EPB41L4A: variants seen among roughly 807,000 people sequenced by gnomAD.
The protein encoded by EPB41L4A is erythrocyte membrane protein band 4.1 like 4A, also known as band 4.1-like protein 4A.
A neutral mutation model predicts 108.6 loss-of-function variants in EPB41L4A; 100 were observed. The ratio of observed to expected loss-of-function variants is 0.92; its 90% CI spans 0.78 to 1.09. The LOEUF is 1.09. Ranked by LOEUF, EPB41L4A falls within the 50% of genes least tolerant of loss-of-function variation. The pLI is 0.00. For missense variants in EPB41L4A, 1,030 were observed against 842.7 expected, an observed-to-expected ratio of 1.22 and a Z score of -2.75; for synonymous variants, 319 against 289.0, an observed-to-expected ratio of 1.10 and a Z score of -1.05.
chr5:112,291,175 A>G (rs953042879), intron 2 of EPB41L4A, among the ~76,000 whole-genome samples: 1 of 152,196 alleles, frequency 6.6e-6, no homozygotes, highest in Non-Finnish European at 1.5e-5. Context: ...ACAGAAATGT[A>G]CACAGAGCCT....
chr5:112,213,378 T>G (rs1228425872), intron 12 of EPB41L4A, among the ~76,000 whole-genome samples: 1 of 151,944 alleles, frequency 6.6e-6, no homozygotes, highest in Non-Finnish European at 1.5e-5. Flanking sequence ...AGATAGACTC[T>G]TGCTCTGTCA....
At chr5:112,191,223 A>C (rs1761682646) in intron 17 of EPB41L4A, among the ~76,000 whole-genome samples, 2 of 152,162 alleles carry the variant, frequency 1.3e-5, no homozygotes, top group South Asian at 4.1e-4. Context: ...CCAAATAAAG[A>C]AGCAGGGTGA....
chr5:112,268,359 C>T (rs1384136711), intron 4 of EPB41L4A, among the ~76,000 whole-genome samples: 1 of 151,936 alleles, frequency 6.6e-6, no homozygotes, highest in Non-Finnish European at 1.5e-5. Flanking sequence ...GCCTGGGTGA[C>T]AGAGCAAGAC....
In EPB41L4A at chr5:112,414,464, G is replaced by T. The variant is rs528846976; in HGVS notation, c.99+4477C>A. Among the ~76,000 whole-genome samples the T allele has an allele frequency of 3.9e-5, 6 of 152,246 alleles. 1 individual carries two copies. Among genetic ancestry groups the T allele is most frequent in the Admixed American group, 3.9e-4 (6 of 15,300 alleles). On this transcript the variant is annotated intron_variant, in intron 1 of 22. Transcript: ENST00000261486. ...TTTGGTTGTCATTATTGGAAAAGAGGTGCCACACATCTGGTGAGAGGAGGC... is the reference window on the plus strand; with the variant it reads ...TTTGGTTGTCATTATTGGAAAAGAGTTGCCACACATCTGGTGAGAGGAGGC...
intron 1 of EPB41L4A, among the ~76,000 whole-genome samples, chr5:112,362,563 G>A (rs936268393): frequency 6.6e-6 from 1 of 152,086 alleles, no homozygotes; most frequent in Non-Finnish European, 1.5e-5. Context: ...TTACAGGCAC[G>A]AGCCACCGCA....
chr5:112,166,866 T>C (rs903376237), intron 22 of EPB41L4A, among the ~76,000 whole-genome samples: 4 of 152,238 alleles, frequency 2.6e-5, no homozygotes, highest in Non-Finnish European at 5.9e-5. Flanking sequence ...ATTTGGCCCT[T>C]AGGCCATGGT....
At chr5:112,143,653 T>G (rs1049035197) in exon 14 of EPB41L4A, 2 of 241,456 alleles carry the variant, frequency 8.3e-6, no homozygotes, top group Non-Finnish European at 1.7e-5. Flanking sequence ...CTACAAGAGA[T>G]AAAGTCAGCC....
chr5:112,239,463 T>A, intron 11 of EPB41L4A, 197 bp downstream of exon 11: 1 of 397,518 alleles, frequency 2.5e-6, no homozygotes, highest in Non-Finnish European at 4.5e-6. Flanking sequence ...ACATAGCTAA[T>A]GCAGACACTA....
intron 15 of EPB41L4A, among the ~76,000 whole-genome samples, chr5:112,196,438 A>C (rs921416124): frequency 4.7e-4 from 71 of 152,356 alleles, no homozygotes; most frequent in African/African-American, 1.6e-3. Flanking sequence ...CATTGTTAGC[A>C]CTCAACCAAG....
intron 1 of EPB41L4A, among the ~76,000 whole-genome samples, chr5:112,409,653 T>C (rs1762299376): frequency 2.6e-5 from 4 of 152,176 alleles, no homozygotes; most frequent in Admixed American, 2.0e-4. Flanking sequence ...TCAACATTTA[T>C]TCATTGATGC....
At chr5:112,392,159 G>T (rs934416365) in intron 1 of EPB41L4A, among the ~76,000 whole-genome samples, 1 of 152,096 alleles carries the variant, frequency 6.6e-6, no homozygotes, top group African/African-American at 2.4e-5. Flanking sequence ...GGAAGAAACT[G>T]CATCGACTAA....
At chr5:112,363,616 C>T (rs1246181123) in intron 1 of EPB41L4A, 4 of 152,340 alleles carry the variant, frequency 2.6e-5, no homozygotes, top group Non-Finnish European at 5.9e-5. Flanking sequence ...GCAGGAACAT[C>T]TCCACCATCA....
chr5:112,314,536 A>AAAAAAAAAAAAAG (rs1755294072), intron 1 of EPB41L4A, among the ~76,000 whole-genome samples: 1 of 113,552 alleles, frequency 8.8e-6, no homozygotes, highest in African/African-American at 3.4e-5. Context: ...AAAAAAAAAA[A>AAAAAAAAAAAAAG]AAGAAAAGAA....
In EPB41L4A at chr5:112,205,416, T is replaced by C; in HGVS notation, c.1262+5A>G. 1 of 1,611,084 alleles carries C rather than the reference T, an allele frequency of 6.2e-7. No individual in the cohort carries two copies. The highest frequency in any genetic ancestry group is 8.5e-7 in the Non-Finnish European group (1 of 1,177,254). ...CTCCTTTATAAAAACAATGATTCCC[T>C]TTACCTCTGGGGGCCATTTTCTTCC... is the stretch of plus-strand genomic sequence containing the variant. On this transcript the variant is annotated splice_donor_5th_base_variant and intron_variant, in intron 14 of 22. Coordinates refer to ENST00000261486, the MANE Select transcript of EPB41L4A (RefSeq NM_022140.5).
At chr5:112,235,526 T>C (rs1749267967) in intron 11 of EPB41L4A, among the ~76,000 whole-genome samples, 1 of 152,172 alleles carries the variant, frequency 6.6e-6, no homozygotes, top group South Asian at 2.1e-4. Context: ...TCTACAAGTC[T>C]AGTTTGATTC....
At chr5:112,273,924 G>T (rs550999841) in intron 4 of EPB41L4A, among the ~76,000 whole-genome samples, 2 of 152,066 alleles carry the variant, frequency 1.3e-5, no homozygotes, top group Non-Finnish European at 2.9e-5. Flanking sequence ...AAACTGGCAT[G>T]TCTACTTTTC....
chr5:112,191,148 C>A (rs1761677403), intron 17 of EPB41L4A, among the ~76,000 whole-genome samples: 1 of 152,058 alleles, frequency 6.6e-6, no homozygotes, highest in African/African-American at 2.4e-5. Context: ...GATACCCAAC[C>A]GGATTATGAG....
At chr5:112,359,668 G>T (rs1254133908) in intron 1 of EPB41L4A, among the ~76,000 whole-genome samples, 7 of 152,004 alleles carry the variant, frequency 4.6e-5, no homozygotes, top group Non-Finnish European at 1.0e-4. Flanking sequence ...AGCCTCCCGA[G>T]TAGCTGGGAC....
At chr5:112,413,196 T>C (rs981423327) in intron 1 of EPB41L4A, among the ~76,000 whole-genome samples, 25 of 152,306 alleles carry the variant, frequency 1.6e-4, no homozygotes, top group Admixed American at 1.2e-3. Context: ...AAGAGAAAGA[T>C]TTGGTACTTA....
Sources: gnomAD v4.1 joint callset for allele counts (sites outside exome capture counted in the v4.1 genomes callset) on GRCh38, gnomAD v4.1.1 for gene constraint, MANE v1.5 for transcripts, NCBI Gene and HGNC (gene_info 2026-07-23, HGNC 2026-07-21) for gene names.